RIOK1: variants seen among roughly 807,000 people sequenced by gnomAD.
The protein encoded by RIOK1 is serine/threonine-protein kinase RIO1.
RIOK1 carries 66 observed loss-of-function variants against 73.5 expected under a neutral mutation model. That is an observed-to-expected ratio of 0.90 (90% CI 0.74 to 1.10). The LOEUF (loss-of-function observed/expected upper bound fraction) is 1.10, where lower values mean the gene tolerates loss of function less well. RIOK1 is among the 50% of genes least tolerant of loss of function. The pLI, the probability that RIOK1 is intolerant of heterozygous loss-of-function variation, is 0.00. For missense variants in RIOK1, 658 were observed against 699.8 expected (o/e 0.94, Z 0.67); for synonymous variants, 224 against 226.8 (o/e 0.99, Z 0.11).
chr6:7,404,176 C>A, intron 9 of RIOK1, 149 bp downstream of exon 9: 1 of 748,256 alleles, frequency 1.3e-6, no homozygotes, highest in Non-Finnish European at 2.2e-6. Flanking sequence ...TGTATTCTAC[C>A]TTTTCAAGTC....
intron 16 of RIOK1, 62 bp from the exon 17 acceptor site, chr6:7,417,269 C>G: frequency 1.7e-6 from 2 of 1,177,320 alleles, no homozygotes; most frequent in Non-Finnish European, 2.4e-6. Context: ...AAACAAAAAA[C>G]AAAAACAAAA....
At chr6:7,416,643 CAAAAAAAAA>C (rs34401192) in intron 16 of RIOK1, among the ~76,000 whole-genome samples, 3 of 113,560 alleles carry the variant, frequency 2.6e-5, no homozygotes, top group Non-Finnish European at 5.2e-5. Flanking sequence ...GACTCCGTCT[CAAAAAAAAA>C]AAAAAAAAGA....
At chr6:7,407,652 ATTT>A (rs998383969) in intron 12 of RIOK1, among the ~76,000 whole-genome samples, 1 of 147,354 alleles carries the variant, frequency 6.8e-6, no homozygotes, top group East Asian at 2.0e-4. Context: ...CACCCAGCCA[ATTT>A]TTTTTTTCTT....
intron 4 of RIOK1, among the ~76,000 whole-genome samples, chr6:7,397,218 C>T (rs140400990): frequency 0.015 from 2,217 of 152,186 alleles, 38 homozygotes; most frequent in Middle Eastern, 0.11. Context: ...GAGCCAAGAT[C>T]GTGCCACTGC....
rs1761283641 is a variant in RIOK1, at chr6:7,389,939, G to A, written c.-64G>A. ...GCCAAGGCCTTTGGATCGGCCGTGG[G>A]TACATCCGTCTGAGCCGTTCCTTTC... On this transcript the variant is annotated 5_prime_UTR_variant, in exon 1 of 17. Coordinates refer to ENST00000379834, the MANE Select transcript of RIOK1 (RefSeq NM_031480.3). 2.2e-6 allele frequency: 3 copies of A among 1,354,972 alleles called. No individual in the cohort carries two copies. The highest frequency in any genetic ancestry group is 3.1e-6 in the Non-Finnish European group (3 of 975,184). The allele number at this position is 1,354,972 out of a possible 1,614,324, so 83.9% of individuals were successfully genotyped here. A position where few individuals can be genotyped will look rare whatever the true frequency, so the allele number is the denominator to read the frequency against.
At chr6:7,404,206 G>A (rs1460165947) in intron 9 of RIOK1, among the ~76,000 whole-genome samples, 179 bp downstream of exon 9, 1 of 152,134 alleles carries the variant, frequency 6.6e-6, no homozygotes, top group African/African-American at 2.4e-5. Context: ...TTCAGAATGA[G>A]GAGCAAGTTA....
At chr6:7,391,362 G>A (rs1761336836) in intron 1 of RIOK1, among the ~76,000 whole-genome samples, 1 of 152,166 alleles carries the variant, frequency 6.6e-6, no homozygotes, top group African/African-American at 2.4e-5. Flanking sequence ...TAGTACAAAG[G>A]AGAAGTGGGG....
At chr6:7,401,332 G>A (rs1462984634) in intron 6 of RIOK1, among the ~76,000 whole-genome samples, 3 of 152,210 alleles carry the variant, frequency 2.0e-5, no homozygotes, top group East Asian at 3.9e-4. Flanking sequence ...TGGGGCCAGG[G>A]GTTTATGGTT....
At position 7,404,017 on chromosome 6, in the gene RIOK1, A is replaced by G. The variant is rs1285749924; in HGVS notation, c.844A>G (p.Lys282Glu). 2 of 1,607,354 alleles carry G rather than the reference A, an allele frequency of 1.2e-6. No homozygotes were observed. The highest frequency in any genetic ancestry group is 1.1e-5 in the South Asian group (1 of 90,898). ...SHVLVMSFIG[K>E]DDMPAPLLKN... ...TGTTCTTGTCATGAGTTTCATCGGT[A>G]AAGATGACATGTAAGTACATGGAAG... is the stretch of plus-strand genomic sequence containing the variant. Residue 282 changes from lysine to glutamate, a missense_variant, in exon 9 of 17, where the codon AAA (lysine) becomes GAA (glutamate). Transcript: ENST00000379834.
intron 16 of RIOK1, among the ~76,000 whole-genome samples, chr6:7,415,496 C>T (rs537175760): frequency 6.6e-6 from 1 of 152,338 alleles, no homozygotes; most frequent in African/African-American, 2.4e-5. Flanking sequence ...GATGTTTGTG[C>T]TGGTTTTGCT....
At chr6:7,404,641 A>G in intron 10 of RIOK1, 86 bp downstream of exon 10, 2 of 1,490,820 alleles carry the variant, frequency 1.3e-6, no homozygotes, top group South Asian at 2.4e-5. Context: ...CCAAGAAGTC[A>G]CACTAACTTC....
chr6:7,409,222 TG>T (rs1761827267), intron 12 of RIOK1, among the ~76,000 whole-genome samples: 1 of 88,114 alleles, frequency 1.1e-5, no homozygotes, highest in East Asian at 3.2e-4. Context: ...ATTGTGTGTG[TG>T]TGTGTGTGTG....
At chr6:7,407,612 G>A (rs1013903204) in intron 12 of RIOK1, among the ~76,000 whole-genome samples, 7 of 151,704 alleles carry the variant, frequency 4.6e-5, no homozygotes, top group Non-Finnish European at 8.8e-5. Context: ...AGCTGCTTCA[G>A]CCTGCTGAGA....
intron 14 of RIOK1, chr6:7,411,683 G>A (rs1761886587): frequency 2.3e-6 from 1 of 438,842 alleles, no homozygotes; most frequent in Non-Finnish European, 4.1e-6. Context: ...TGTAATTGTA[G>A]AAACAAGATT....
intron 12 of RIOK1, among the ~76,000 whole-genome samples, chr6:7,407,194 T>A (rs1375894954): frequency 1.3e-5 from 2 of 152,282 alleles, no homozygotes; most frequent in East Asian, 3.9e-4. Flanking sequence ...TATTTTCAAG[T>A]TTCTGAGGAA....
Position 7,403,960 on chromosome 6 carries a change from C to G in RIOK1, c.787C>G (p.Pro263Ala), listed in dbSNP as rs764215831. The G allele has an allele frequency of 3.7e-6, 6 of 1,611,500 alleles. No homozygotes were observed. The highest frequency in any genetic ancestry group is 2.2e-5 in the East Asian group (1 of 44,756). ...NLIRLNTAEI[P>A]CPEPIMLRSH... ...TCACAGGCTAAACACAGCAGAGATA[C>G]CATGTCCAGAACCAATAATGCTAAG... is the stretch of plus-strand genomic sequence containing the variant. Residue 263 changes from proline to alanine, a missense_variant, in exon 9 of 17, where the codon CCA (proline) becomes GCA (alanine). By Grantham distance (27) the Pro-to-Ala change is conservative. Coordinates refer to ENST00000379834, the MANE Select transcript of RIOK1 (RefSeq NM_031480.3).
chr6:7,409,345 C>T (rs1176969733), intron 12 of RIOK1, among the ~76,000 whole-genome samples: 1 of 151,936 alleles, frequency 6.6e-6, no homozygotes, highest in Non-Finnish European at 1.5e-5. Context: ...ACCTCTGCCT[C>T]CCGGGTTCAA....
intron 2 of RIOK1, among the ~76,000 whole-genome samples, chr6:7,394,807 TAAG>T (rs1433592915): frequency 6.6e-6 from 1 of 152,232 alleles, no homozygotes; most frequent in African/African-American, 2.4e-5. Context: ...TTACTTATAA[TAAG>T]AGGAATCATA....
intron 2 of RIOK1, among the ~76,000 whole-genome samples, chr6:7,394,316 C>G (rs1761417362): frequency 6.6e-6 from 1 of 152,136 alleles, no homozygotes; most frequent in Non-Finnish European, 1.5e-5. Context: ...TGCCTGTAAT[C>G]CCAGCTACTC....
Sources: allele counts gnomAD v4.1 joint callset (sites outside exome capture counted in the v4.1 genomes callset), GRCh38; gene constraint gnomAD v4.1.1; transcripts MANE v1.5; gene names NCBI Gene and HGNC (gene_info 2026-07-23, HGNC 2026-07-21).